GSR: variants seen among roughly 807,000 people sequenced by gnomAD.
GSR encodes the protein glutathione reductase, mitochondrial.
A neutral mutation model predicts 56.5 loss-of-function variants in GSR; 48 were observed. The observed-to-expected ratio is 0.85, with a 90% confidence interval of 0.67 to 1.08. GSR has a LOEUF of 1.08. GSR is among the 50% of genes least tolerant of loss of function. The probability of loss-of-function intolerance (pLI) is 0.00; values close to 1 mark genes in which losing one functional copy is unlikely to be tolerated. For missense variants in GSR, 694 were observed against 703.3 expected, an observed-to-expected ratio of 0.99 and a Z score of 0.15; for synonymous variants, 264 against 270.8, an observed-to-expected ratio of 0.97 and a Z score of 0.25.
At chr8:30,724,529 T>C (rs1210136778) in intron 1 of GSR, among the ~76,000 whole-genome samples, 1 of 136,554 alleles carries the variant, frequency 7.3e-6, no homozygotes, top group East Asian at 2.4e-4. Context: ...CAAAGAATAC[T>C]ACCCAACCCC....
chr8:30,727,812 C>T lies in GSR; in HGVS notation c.24G>A (p.Leu8=), dbSNP rs1463123226. Residue 8 remains leucine (L), a synonymous_variant, in exon 1 of 13, where the codon CTG becomes CTA. Transcript: ENST00000221130. ...GCCAGCTCGGTCCCGCGCCGGCGCT[C>T]AGGGCTCGGGGCAGCAGGGCCATGC... MALLPRA[L]SAGAGPSWRR... is the part of the protein sequence containing the mutation. 7.7e-6 allele frequency: 10 copies of T among 1,299,118 alleles called. No individual in the cohort carries two copies. Among genetic ancestry groups the T allele is most frequent in the Non-Finnish European group, 8.8e-6 (9 of 1,026,414 alleles). The allele number at this position is 1,299,118 out of a possible 1,614,324, so 80.5% of individuals were successfully genotyped here.
intron 6 of GSR, among the ~76,000 whole-genome samples, chr8:30,696,834 T>C (rs758822288): frequency 6.6e-5 from 10 of 152,094 alleles, no homozygotes; most frequent in Non-Finnish European, 1.0e-4. Context: ...TAGCTGGGAC[T>C]ACAGACATTC....
In GSR at chr8:30,716,995, C is replaced by T. The variant is rs571252235; in HGVS notation, c.307-4907G>A. ...GCTTATGCCTGTAATCCCAGCACTT[C>T]GGGAGGCCGAGGCGGGCAGATCACC... On this transcript the variant is annotated intron_variant, in intron 1 of 12. Transcript: ENST00000221130. Among the ~76,000 whole-genome samples the T allele has an allele frequency of 5.9e-5, 9 of 151,744 alleles. No homozygotes were observed. The South Asian group carries it at 1.3e-3, about 21-fold the overall frequency.
intron 12 of GSR, among the ~76,000 whole-genome samples, chr8:30,680,334 G>T (rs191341184): frequency 5.6e-4 from 79 of 141,342 alleles, no homozygotes; most frequent in African/African-American, 8.7e-4. Flanking sequence ...CTCCCAAAGT[G>T]TTAGGATTAT....
At position 30,682,046 on chromosome 8, in the gene GSR, C is replaced by T; in HGVS notation, c.1169G>A (p.Gly390Asp). Residue 390 changes from glycine to aspartate, a missense_variant, in exon 11 of 13, where the codon GGC (glycine) becomes GAC (aspartate). Transcript: ENST00000221130. Reference sequence around the variant, plus strand: ...AAAAAGTCGATGGGCAAGTTTTCGGCCAGCAGCTATTGCAACTATGGAGAT... The same window carrying T: ...AAAAAGTCGATGGGCAAGTTTTCGGTCAGCAGCTATTGCAACTATGGAGAT... ...ALLTPVAIAA[G>D]RKLAHRLFEY... The T allele has an allele frequency of 6.2e-7, 1 of 1,613,026 alleles. No homozygotes were observed. The highest frequency in any genetic ancestry group is 8.5e-7 in the Non-Finnish European group (1 of 1,179,036).
chr8:30,710,372 CA>C (rs917519904), intron 2 of GSR, among the ~76,000 whole-genome samples: 3 of 151,346 alleles, frequency 2.0e-5, no homozygotes, highest in African/African-American at 7.3e-5. Context: ...TAACTTAAAA[CA>C]TTTTTTTTTA....
intron 5 of GSR, 114 bp downstream of exon 5, chr8:30,702,979 G>A (rs1405582062): frequency 9.1e-7 from 1 of 1,099,520 alleles, no homozygotes; most frequent in Non-Finnish European, 1.4e-6. Flanking sequence ...CTTCTCCCAT[G>A]GCCTGGCTCC....
At chr8:30,727,419 A>G in intron 1 of GSR, 111 bp downstream of exon 1, 1 of 1,078,236 alleles carries the variant, frequency 9.3e-7, no homozygotes, top group South Asian at 1.4e-5. Context: ...GGTGGAAAAG[A>G]GGAAAGCCCA....
chr8:30,707,421 T>C (rs1363161311), intron 4 of GSR, among the ~76,000 whole-genome samples: 2 of 152,258 alleles, frequency 1.3e-5, no homozygotes, highest in East Asian at 1.9e-4. Context: ...GGCTCATCTC[T>C]ATAATCCCAA....
intron 6 of GSR, among the ~76,000 whole-genome samples, chr8:30,699,033 C>T (rs1381786679): frequency 6.6e-6 from 1 of 152,160 alleles, no homozygotes; most frequent in Non-Finnish European, 1.5e-5. Flanking sequence ...TGCTTGTATT[C>T]CTACTGCTTT....
chr8:30,725,492 G>A (rs574351929), intron 1 of GSR, among the ~76,000 whole-genome samples: 3 of 151,856 alleles, frequency 2.0e-5, no homozygotes, highest in South Asian at 2.1e-4. Flanking sequence ...CCCAGGAGGC[G>A]GAGGTTGCAG....
At position 30,679,640 on chromosome 8, in the gene GSR, C is replaced by T; in HGVS notation, c.1449G>A (p.Gly483=). The T allele has an allele frequency of 6.2e-7, 1 of 1,613,890 alleles. No individual in the cohort carries two copies. Among genetic ancestry groups the T allele is most frequent in the Non-Finnish European group, 8.5e-7 (1 of 1,179,882 alleles). The change falls in exon 13 of 13, where the codon GGG becomes GGA. Residue 483 remains glycine (G), a synonymous_variant. Transcript: ENST00000221130. The stretch of plus-strand genomic sequence containing the variant: ...CAAAACCCTGCAGCATTTCATCACA[C>T]CCAAGTCCCTGCATATGGATCCCAA... ...KVVGIHMQGL[G]CDEMLQGFAV...
rs1304861139 is a variant in GSR at position 30,678,381 on chromosome 8, A to T, written c.*1139T>A. On this transcript the variant is annotated 3_prime_UTR_variant, in exon 13 of 13. Coordinates refer to ENST00000221130, the MANE Select transcript of GSR (RefSeq NM_000637.5). ...TATATTTTTTTTTTTTTTTTTTGAGACAGGGTCTTGCTCTGTTGTCCAAGA... is the reference window on the plus strand; with the variant it reads ...TATATTTTTTTTTTTTTTTTTTGAGTCAGGGTCTTGCTCTGTTGTCCAAGA... The T allele has an allele frequency of 7.3e-6, 1 of 136,774 alleles. No homozygotes were observed. Among genetic ancestry groups the T allele is most frequent in the African/African-American group, 2.7e-5 (1 of 37,040 alleles). 8.5% of individuals were successfully genotyped at this position (136,774 alleles called of 1,614,324 possible).
intron 2 of GSR, 141 bp from the exon 3 acceptor site, chr8:30,710,043 C>G: frequency 1.5e-6 from 1 of 650,082 alleles, no homozygotes; most frequent in African/African-American, 1.8e-5. Flanking sequence ...TAGCTGGGCA[C>G]GGCAGCTCAC....
chr8:30,726,283 A>AG (rs1804720901), intron 1 of GSR, among the ~76,000 whole-genome samples: 5 of 152,178 alleles, frequency 3.3e-5, no homozygotes, highest in Non-Finnish European at 5.9e-5. Flanking sequence ...GAGACACACA[A>AG]ACACAGAAGC....
rs8190976 is a variant in GSR at position 30,700,082 on chromosome 8, C to T, written c.694G>A (p.Gly232Ser). 1,807 of 1,611,908 alleles carry T rather than the reference C, an allele frequency of 1.1e-3. 10 individuals carry two copies. Among genetic ancestry groups the T allele is most frequent in the South Asian group, 8.7e-3 (796 of 91,014 alleles). Residue 232 changes from glycine (G) to serine (S), a missense_variant and splice_region_variant, in exon 6 of 13, where the codon GGC becomes AGC. Transcript: ENST00000221130. ...TGAGGTCAGGTCAGGTTGGCTTACC[C>T]GGGCAATTCTTCCAGCTGAAAAAAT... Reference protein sequence around the residue: ...DGFFQLEELPGRSVIVGAGYI... With the variant: ...DGFFQLEELPSRSVIVGAGYI...
At chr8:30,727,052 G>A (rs2128750400) in intron 1 of GSR, 1 of 153,988 alleles carries the variant, frequency 6.5e-6, no homozygotes, top group Non-Finnish European at 1.4e-5. Context: ...CGAATGTGTA[G>A]CCAAGGTTGA....
intron 9 of GSR, chr8:30,687,767 T>C (rs1803212475): frequency 6.6e-6 from 1 of 152,150 alleles, no homozygotes; most frequent in South Asian, 2.1e-4. Context: ...AGAAAAATCA[T>C]CATCATTATC....
At chr8:30,719,481 C>A (rs1804456660) in intron 1 of GSR, among the ~76,000 whole-genome samples, 1 of 151,628 alleles carries the variant, frequency 6.6e-6, no homozygotes, top group Non-Finnish European at 1.5e-5. Context: ...AAACTCCTGG[C>A]CTCAAGTGAT....
Sources: allele counts gnomAD v4.1 joint callset (sites outside exome capture counted in the v4.1 genomes callset), GRCh38; gene constraint gnomAD v4.1.1; transcripts MANE v1.5; gene names NCBI Gene and HGNC (gene_info 2026-07-23, HGNC 2026-07-21).